Variants in TEAD1 observed in about 807,000 individuals in gnomAD.
TEAD1 encodes transcriptional enhancer factor TEF-1.
Under a neutral mutation model 54.9 loss-of-function variants are expected in TEAD1, and 9 were observed. The observed-to-expected ratio is 0.16, with a 90% confidence interval of 0.10 to 0.29. The LOEUF (loss-of-function observed/expected upper bound fraction) is 0.29. TEAD1 is among the 10% of genes least tolerant of loss of function. TEAD1 has a pLI of 1.00. For missense variants in TEAD1, 387 were observed against 535.9 expected (o/e 0.72, Z 2.74); for synonymous variants, 200 against 187.8 (o/e 1.07, Z -0.53).
At chr11:12,809,974 CTT>C (rs55647097) in intron 3 of TEAD1, among the ~76,000 whole-genome samples, 24 of 115,642 alleles carry the variant, frequency 2.1e-4, no homozygotes, top group African/African-American at 8.5e-4. Flanking sequence ...TTTCCCCATT[CTT>C]TTTTTTTTTT....
At chr11:12,761,879 G>A (rs1226584564) in intron 2 of TEAD1, among the ~76,000 whole-genome samples, 2 of 152,182 alleles carry the variant, frequency 1.3e-5, no homozygotes, top group Non-Finnish European at 2.9e-5. Context: ...GTTCCCTGCT[G>A]TTAGTGGTGT....
intron 10 of TEAD1, among the ~76,000 whole-genome samples, chr11:12,920,191 G>T (rs1488129138): frequency 6.6e-6 from 1 of 152,176 alleles, no homozygotes; most frequent in African/African-American, 2.4e-5. Context: ...CGTCAGATCT[G>T]CTAGGTGTGC....
intron 3 of TEAD1, among the ~76,000 whole-genome samples, chr11:12,769,858 G>A (rs766438327): frequency 6.6e-5 from 10 of 152,094 alleles, no homozygotes; most frequent in Non-Finnish European, 1.3e-4. Context: ...GAATATAGAA[G>A]GTGTCAGTAA....
intron 3 of TEAD1, among the ~76,000 whole-genome samples, chr11:12,837,079 A>T (rs950145207): frequency 1.3e-5 from 2 of 152,224 alleles, no homozygotes; most frequent in African/African-American, 4.8e-5. Context: ...AAACAACTTA[A>T]TTAACTTACT....
chr11:12,864,559 C>A (rs536914518), intron 4 of TEAD1: 1 of 676,538 alleles, frequency 1.5e-6, no homozygotes, highest in Non-Finnish European at 2.2e-6. Flanking sequence ...CAAATAACCA[C>A]CCCCCAACCC....
chr11:12,751,809 G>T (rs1420794206), intron 2 of TEAD1, among the ~76,000 whole-genome samples: 1 of 152,124 alleles, frequency 6.6e-6, no homozygotes, highest in Non-Finnish European at 1.5e-5. Flanking sequence ...TAGAGGTGAA[G>T]ACTAAATGTG....
At chr11:12,853,999 A>G (rs1162407290) in intron 3 of TEAD1, among the ~76,000 whole-genome samples, 1 of 151,950 alleles carries the variant, frequency 6.6e-6, no homozygotes, top group Non-Finnish European at 1.5e-5. Flanking sequence ...AGGGATTGCT[A>G]TTGTTTACCT....
At chr11:12,733,325 A>G (rs764520785) in intron 2 of TEAD1, among the ~76,000 whole-genome samples, 1 of 152,096 alleles carries the variant, frequency 6.6e-6, no homozygotes, top group South Asian at 2.1e-4. Context: ...TGAGTGTTTT[A>G]GGTCCCTGGT....
At chr11:12,756,131 G>C (rs1944979644) in intron 2 of TEAD1, among the ~76,000 whole-genome samples, 1 of 152,174 alleles carries the variant, frequency 6.6e-6, no homozygotes, top group Admixed American at 6.5e-5. Context: ...GGGATGCTTA[G>C]CATTGGGGCT....
chr11:12,783,382 G>A (rs957759406), intron 3 of TEAD1, among the ~76,000 whole-genome samples: 7 of 152,044 alleles, frequency 4.6e-5, no homozygotes, highest in South Asian at 2.1e-4. Flanking sequence ...TGCAGTTGGC[G>A]CTGTGGATGC....
Position 12,944,521 on chromosome 11 carries a change from ATG to A in TEAD1, c.*7304_*7305del, listed in dbSNP as rs1949190009. 1 of 152,338 alleles carries A rather than the reference ATG, an allele frequency of 6.6e-6. No individual in the cohort carries two copies. Among genetic ancestry groups the A allele is most frequent in the African/African-American group, 2.4e-5 (1 of 41,310 alleles). 9.4% of individuals were successfully genotyped at this position (152,338 alleles called of 1,614,324 possible). ...ATGTATTCTAGCTTTTGCGGTACAT[ATG>A]TGTGATAACTTTAATACCCATGACA... On this transcript the variant is annotated 3_prime_UTR_variant, in exon 13 of 13. Coordinates refer to ENST00000527636, the MANE Select transcript of TEAD1 (RefSeq NM_021961.6).
At chr11:12,807,769 G>A (rs796773197) in intron 3 of TEAD1, among the ~76,000 whole-genome samples, 3 of 152,206 alleles carry the variant, frequency 2.0e-5, no homozygotes, top group East Asian at 1.9e-4. Flanking sequence ...GCCTTCTCCC[G>A]GAGTTTACCT....
At chr11:12,874,785 G>A (rs1947821955) in intron 5 of TEAD1, among the ~76,000 whole-genome samples, 1 of 152,138 alleles carries the variant, frequency 6.6e-6, no homozygotes, top group Admixed American at 6.5e-5. Context: ...CTCCATGAGT[G>A]TTTTCTGCAT....
chr11:12,806,354 A>G (rs981887189), intron 3 of TEAD1, among the ~76,000 whole-genome samples: 1 of 152,178 alleles, frequency 6.6e-6, no homozygotes, highest in African/African-American at 2.4e-5. Flanking sequence ...CACACCTGTG[A>G]CACAATCTGC....
intron 12 of TEAD1, among the ~76,000 whole-genome samples, chr11:12,933,327 G>C (rs181372953): frequency 2.9e-4 from 44 of 152,186 alleles, no homozygotes; most frequent in African/African-American, 1.0e-3. Context: ...TAATAGTTTA[G>C]TTTTAGAAAA....
chr11:12,805,565 A>AG (rs1163531750), intron 3 of TEAD1, among the ~76,000 whole-genome samples: 5 of 152,236 alleles, frequency 3.3e-5, no homozygotes, highest in African/African-American at 1.2e-4. Flanking sequence ...TTAGGGCCTT[A>AG]GGTCTACCCA....
chr11:12,768,026 CG>C (rs1446410138), intron 3 of TEAD1, among the ~76,000 whole-genome samples: 1 of 152,160 alleles, frequency 6.6e-6, no homozygotes, highest in East Asian at 1.9e-4. Flanking sequence ...TAGCAAACCA[CG>C]GGAACACCTG....
chr11:12,900,679 C>A (rs1338305184), intron 9 of TEAD1, among the ~76,000 whole-genome samples: 1 of 151,998 alleles, frequency 6.6e-6, no homozygotes, highest in East Asian at 1.9e-4. Context: ...GATTAAGTTC[C>A]ATGGACTGTA....
intron 3 of TEAD1, among the ~76,000 whole-genome samples, chr11:12,802,990 G>GA (rs1238867568): frequency 1.3e-5 from 2 of 151,982 alleles, no homozygotes; most frequent in South Asian, 4.2e-4. Context: ...TGTCAAGATA[G>GA]AAAAAAACAC....
Sources: gnomAD v4.1 joint callset for allele counts (sites outside exome capture counted in the v4.1 genomes callset) on GRCh38, gnomAD v4.1.1 for gene constraint, MANE v1.5 for transcripts, NCBI Gene and HGNC (gene_info 2026-07-23, HGNC 2026-07-21) for gene names.